KIRREL3: variants seen among roughly 807,000 people sequenced by gnomAD.
KIRREL3 encodes the protein kin of IRRE-like protein 3.
Under a neutral mutation model 89.7 loss-of-function variants are expected in KIRREL3, and 36 were observed. The ratio of observed to expected loss-of-function variants is 0.40; its 90% confidence interval spans 0.31 to 0.53. The LOEUF is 0.53. Ranked by LOEUF, KIRREL3 falls within the 20% of genes least tolerant of loss-of-function variation. The probability of loss-of-function intolerance (pLI) is 0.49; values close to 1 mark genes in which losing one functional copy is unlikely to be tolerated. For synonymous variants in KIRREL3, 445 were observed against 441.4 expected (o/e 1.01, Z -0.10); for missense variants, 864 against 1,056.6 (o/e 0.82, Z 2.53).
rs1486276481 is a variant in KIRREL3 at position 126,463,209 on chromosome 11, G to A, written c.690C>T (p.Thr230=). The change falls in exon 6 of 17, where the codon ACC becomes ACT. Residue 230 remains threonine, a synonymous_variant. Coordinates refer to ENST00000525144, the MANE Select transcript of KIRREL3 (RefSeq NM_032531.4). This position sits in a 1 kb window ranked among gnomAD's most constrained non-coding sequence, Gnocchi z 5.9. ...ENGQSIVCRA[T]NKAIPGGKET... is the part of the protein sequence containing the mutation. Reference sequence around the variant, plus strand: ...CCTTTCCTCCGGGGATGGCTTTGTTGGTGGCACGACACACGATGCTCTGGC... The same window carrying A: ...CCTTTCCTCCGGGGATGGCTTTGTTAGTGGCACGACACACGATGCTCTGGC... The A allele has an allele frequency of 6.2e-7, 1 of 1,613,976 alleles. No individual in the cohort carries two copies. Among genetic ancestry groups the A allele is most frequent in the Admixed American group, 1.7e-5 (1 of 60,026 alleles).
At position 126,427,397 on chromosome 11, in the gene KIRREL3, A is replaced by G. The variant is rs1320492462; in HGVS notation, c.1807-1673T>C. 1.5e-5 allele frequency among the ~76,000 whole-genome samples: 1 copy of G among 68,704 alleles called. No individual in the cohort carries two copies. Among genetic ancestry groups the G allele is most frequent in the Non-Finnish European group, 3.3e-5 (1 of 30,320 alleles). 45.1% of individuals were successfully genotyped at this position (68,704 alleles called of 152,430 possible). A position where few individuals can be genotyped will look rare whatever the true frequency, so the allele number is the denominator to read the frequency against. ...AATGCACTATAAAGGAGGCACATAC[A>G]AAGTGTTTTGGGAGAGCAGAAGGTG... On this transcript the variant is annotated intron_variant, in intron 15 of 16. Coordinates refer to ENST00000525144, the MANE Select transcript of KIRREL3 (RefSeq NM_032531.4). This position sits in a 1 kb window ranked among gnomAD's most constrained non-coding sequence, Gnocchi z 5.3.
chr11:126,766,506 C>T lies in KIRREL3; in HGVS notation c.56-203594G>A, dbSNP rs775854077. 3.3e-5 allele frequency among the ~76,000 whole-genome samples: 5 copies of T among 152,190 alleles called. No homozygotes were observed. Among genetic ancestry groups the T allele is most frequent in the South Asian group, 2.1e-4 (1 of 4,808 alleles). On this transcript the variant is annotated intron_variant, in intron 1 of 16. Coordinates refer to ENST00000525144, the MANE Select transcript of KIRREL3 (RefSeq NM_032531.4). This position sits in a 1 kb window ranked among gnomAD's most constrained non-coding sequence, Gnocchi z 4.2. ...TTAAAAAGGTAAGTGAGCACACAAC[C>T]GCGTGTTGCTAACTCGGCAAACAGG...
At position 126,983,940 on chromosome 11, in the gene KIRREL3, A is replaced by G. The variant is rs1057174617; in HGVS notation, c.55+16515T>C. On this transcript the variant is annotated intron_variant, in intron 1 of 16. Coordinates refer to ENST00000525144, the MANE Select transcript of KIRREL3 (RefSeq NM_032531.4). This position sits in a 1 kb window ranked among gnomAD's most constrained non-coding sequence, Gnocchi z 4.9. ...TTTTTACTTCTCCCAAAAGTAGTAC[A>G]TATCTAGTATCATTTTAGATGCATA... Among the ~76,000 whole-genome samples the G allele has an allele frequency of 6.6e-6, 1 of 152,176 alleles. No homozygotes were observed. The highest frequency in any genetic ancestry group is 2.4e-5 in the African/African-American group (1 of 41,440).
chr11:126,904,073 A>G lies in KIRREL3; in HGVS notation c.55+96382T>C, dbSNP rs1295700207. On this transcript the variant is annotated intron_variant, in intron 1 of 16. Transcript: ENST00000525144. The surrounding 1 kb of genome is among the most constrained non-coding windows in gnomAD (Gnocchi z 4.4). ...TGCACTGGGAGGAGGCCAGATTACA[A>G]GACCCTGAAGGTCCTTTCCAACTCT... Among the ~76,000 whole-genome samples the G allele has an allele frequency of 6.6e-6, 1 of 152,224 alleles. No homozygotes were observed. Among genetic ancestry groups the G allele is most frequent in the Non-Finnish European group, 1.5e-5 (1 of 68,042 alleles).
Position 126,740,025 on chromosome 11 carries a change from AG to A in KIRREL3, c.56-177114del, listed in dbSNP as rs1476422832. Among the ~76,000 whole-genome samples the A allele has an allele frequency of 5.3e-5, 8 of 152,246 alleles. No individual in the cohort carries two copies. The highest frequency in any genetic ancestry group is 2.1e-4 in the South Asian group (1 of 4,810). The stretch of plus-strand genomic sequence containing the variant: ...ACTGGAGGGTAGGGTGTATGGAGGG[AG>A]GGGGCAGAGAAAGAAAGGAAGAAAG... On this transcript the variant is annotated intron_variant, in intron 1 of 16. Transcript: ENST00000525144. The surrounding 1 kb of genome is among the most constrained non-coding windows in gnomAD (Gnocchi z 6.0).
At chr11:126,603,284 C>T (rs1387569345) in intron 1 of KIRREL3, among the ~76,000 whole-genome samples, 3 of 152,216 alleles carry the variant, frequency 2.0e-5, no homozygotes, top group East Asian at 1.9e-4. Flanking sequence ...ATGCCAGCCT[C>T]GGTGCCCTCC....
chr11:126,657,265 T>TC (rs1229986566), intron 1 of KIRREL3, among the ~76,000 whole-genome samples: 155 of 151,682 alleles, frequency 1.0e-3, no homozygotes, highest in Middle Eastern at 3.4e-3. Context: ...AATAAATAAA[T>TC]AAATAAATAA....
In KIRREL3 at chr11:126,704,859, C is replaced by T. The variant is rs1345585874; in HGVS notation, c.56-141947G>A. ...ACTGGGATTCTCAATAGGCCATCAC[C>T]CAAGGGAAGCAGTATTCTCCTCCTG... On this transcript the variant is annotated intron_variant, in intron 1 of 16. Transcript: ENST00000525144. This position sits in a 1 kb window ranked among gnomAD's most constrained non-coding sequence, Gnocchi z 4.2. Among the ~76,000 whole-genome samples the T allele has an allele frequency of 6.6e-6, 1 of 152,132 alleles. No homozygotes were observed. The highest frequency in any genetic ancestry group is 2.4e-5 in the African/African-American group (1 of 41,432).
chr11:126,957,879 T>C (rs947140524), intron 1 of KIRREL3, among the ~76,000 whole-genome samples: 2 of 152,252 alleles, frequency 1.3e-5, no homozygotes, highest in Non-Finnish European at 2.9e-5. Context: ...AAGGAACTTC[T>C]GTTTTCTCTT....
In KIRREL3 at chr11:126,611,129, C is replaced by T. The variant is rs1436004849; in HGVS notation, c.56-48217G>A. ...GAGCTGTGTGACTTTGGGGAAGTTC[C>T]TCAACTGAAGTCACAAAGACCTAAT... On this transcript the variant is annotated intron_variant, in intron 1 of 16. Coordinates refer to ENST00000525144, the MANE Select transcript of KIRREL3 (RefSeq NM_032531.4). This position sits in a 1 kb window ranked among gnomAD's most constrained non-coding sequence, Gnocchi z 4.7. Among the ~76,000 whole-genome samples, 1 of 152,184 alleles carries T rather than the reference C, an allele frequency of 6.6e-6. No individual in the cohort carries two copies. Among genetic ancestry groups the T allele is most frequent in the Non-Finnish European group, 1.5e-5 (1 of 68,034 alleles).
intron 1 of KIRREL3, among the ~76,000 whole-genome samples, chr11:126,952,223 C>G (rs998137497): frequency 3.3e-5 from 5 of 151,916 alleles, no homozygotes; most frequent in African/African-American, 1.2e-4. Flanking sequence ...CTGTCTCTAC[C>G]AAAAATACAA....
intron 4 of KIRREL3, among the ~76,000 whole-genome samples, chr11:126,506,727 T>C (rs1023290379): frequency 9.2e-5 from 14 of 152,304 alleles, no homozygotes; most frequent in African/African-American, 3.4e-4. Flanking sequence ...TCATGAAAAG[T>C]GAAAACATAT....
Position 126,645,051 on chromosome 11 carries a change from T to A in KIRREL3, c.56-82139A>T, listed in dbSNP as rs1944612762. On this transcript the variant is annotated intron_variant, in intron 1 of 16. Transcript: ENST00000525144. This position sits in a 1 kb window ranked among gnomAD's most constrained non-coding sequence, Gnocchi z 4.9. ...GGTTGGGGTTGAAGTGGGAGGAGCA[T>A]TTCAGTCAATGGGAGAGTGGATAAA... 6.6e-6 allele frequency among the ~76,000 whole-genome samples: 1 copy of A among 151,962 alleles called. No homozygotes were observed. Among genetic ancestry groups the A allele is most frequent in the Admixed American group, 6.6e-5 (1 of 15,264 alleles).
At chr11:126,595,517 C>A (rs574716370) in intron 1 of KIRREL3, among the ~76,000 whole-genome samples, 1 of 152,328 alleles carries the variant, frequency 6.6e-6, no homozygotes, top group East Asian at 1.9e-4. Context: ...CTTTAGTTTA[C>A]CAAGTGTTTA....
chr11:126,660,412 T>C (rs1019837368), intron 1 of KIRREL3, among the ~76,000 whole-genome samples: 9 of 152,250 alleles, frequency 5.9e-5, no homozygotes, highest in Non-Finnish European at 2.9e-5. Context: ...CTGACGTGCA[T>C]TGCATCATTG....
intron 1 of KIRREL3, among the ~76,000 whole-genome samples, chr11:126,728,923 C>T (rs559567150): frequency 0.027 from 1,850 of 67,804 alleles, 39 homozygotes; most frequent in African/African-American, 0.069. Context: ...AGGAAGCAGA[C>T]GCTAGCTCCA....
At chr11:126,974,799 G>A (rs187713113) in intron 1 of KIRREL3, among the ~76,000 whole-genome samples, 12 of 152,194 alleles carry the variant, frequency 7.9e-5, no homozygotes, top group African/African-American at 2.2e-4. Flanking sequence ...TCTGCTTCCC[G>A]GGCTCAAGTC....
At chr11:126,730,554 G>A (rs912484800) in intron 1 of KIRREL3, among the ~76,000 whole-genome samples, 1 of 152,134 alleles carries the variant, frequency 6.6e-6, no homozygotes, top group Non-Finnish European at 1.5e-5. Flanking sequence ...GGGACATTTG[G>A]CAACGTCCAG....
chr11:126,472,024 G>T (rs1956909617), intron 5 of KIRREL3, among the ~76,000 whole-genome samples: 2 of 152,144 alleles, frequency 1.3e-5, no homozygotes, highest in Non-Finnish European at 2.9e-5. Context: ...CCTTGGAGAT[G>T]GTGGAGCCTA....
Sources: gnomAD v4.1 joint callset for allele counts (sites outside exome capture counted in the v4.1 genomes callset) on GRCh38, gnomAD v4.1.1 for gene constraint, Gnocchi (gnomAD v3.1) non-coding constraint, MANE v1.5 for transcripts, NCBI Gene and HGNC (gene_info 2026-07-23, HGNC 2026-07-21) for gene names.